The following SHISA9 variants were observed in gnomAD, a reference collection of about 807,000 sequenced individuals.
SHISA9 encodes the protein protein shisa-9.
A neutral mutation model predicts 38.0 loss-of-function variants in SHISA9; 13 were observed. The observed-to-expected ratio is 0.34, with a 90% confidence interval of 0.22 to 0.54. The LOEUF (loss-of-function observed/expected upper bound fraction) is 0.54, where lower values mean the gene tolerates loss of function less well. Ranked by LOEUF, SHISA9 falls within the 20% of genes least tolerant of loss-of-function variation. SHISA9 has a pLI of 0.91. For synonymous variants in SHISA9, 275 were observed against 242.0 expected (o/e 1.14, Z -1.27); for missense variants, 538 against 575.8 (o/e 0.93, Z 0.67).
chr16:13,005,742 C>A (rs1339504892), intron 2 of SHISA9, among the ~76,000 whole-genome samples: 1 of 152,146 alleles, frequency 6.6e-6, no homozygotes, highest in Non-Finnish European at 1.5e-5. Context: ...GTTGACCTTG[C>A]CCAACCACAT....
the SHISA9 span, among the ~76,000 whole-genome samples, chr16:13,549,879 T>C: frequency 2.0e-5 from 3 of 151,870 alleles, no homozygotes; most frequent in African/African-American, 7.3e-5. Flanking sequence ...AAAAATTAGC[T>C]GGGCATGGTC....
the SHISA9 span, among the ~76,000 whole-genome samples, chr16:13,261,950 G>A: frequency 6.6e-6 from 1 of 152,194 alleles, no homozygotes; most frequent in Non-Finnish European, 1.5e-5. Flanking sequence ...GATTCTGCTG[G>A]CAGGTGTATC....
chr16:13,397,980 C>A, the SHISA9 span, among the ~76,000 whole-genome samples: 1 of 152,166 alleles, frequency 6.6e-6, no homozygotes, highest in Non-Finnish European at 1.5e-5. Context: ...TCCCTGGAGT[C>A]AGGCCTCTTA....
At chr16:13,194,255 G>A (rs2050915814) in intron 2 of SHISA9, among the ~76,000 whole-genome samples, 1 of 152,136 alleles carries the variant, frequency 6.6e-6, no homozygotes, top group African/African-American at 2.4e-5. Context: ...AAAGACAAAT[G>A]TCTTCCAAAT....
At chr16:12,907,608 C>G (rs1181483187) in intron 1 of SHISA9, among the ~76,000 whole-genome samples, 4 of 152,124 alleles carry the variant, frequency 2.6e-5, no homozygotes, top group Non-Finnish European at 4.4e-5. Flanking sequence ...CTCACTCGCA[C>G]AAAAACAGGT....
intron 2 of SHISA9, among the ~76,000 whole-genome samples, chr16:12,974,646 C>T (rs1346487755): frequency 1.3e-5 from 2 of 151,908 alleles, no homozygotes; most frequent in East Asian, 1.9e-4. Context: ...CCACCATGCC[C>T]AGCTAATTTT....
chr16:13,109,819 TC>T (rs1366784269), intron 2 of SHISA9, among the ~76,000 whole-genome samples: 1 of 152,240 alleles, frequency 6.6e-6, no homozygotes, highest in African/African-American at 2.4e-5. Context: ...TTGAGGTTCA[TC>T]CCTGTCTTAG....
chr16:13,492,114 T>G, the SHISA9 span, among the ~76,000 whole-genome samples: 4 of 152,142 alleles, frequency 2.6e-5, no homozygotes, highest in Admixed American at 1.3e-4. Flanking sequence ...AAACCTTCCC[T>G]TGGAGCATCA....
the SHISA9 span, among the ~76,000 whole-genome samples, chr16:13,295,035 C>T: frequency 6.6e-6 from 1 of 152,056 alleles, no homozygotes; most frequent in Admixed American, 6.5e-5. Context: ...ATTAAAAAAA[C>T]TGGGGAATAG....
chr16:13,173,110 A>G (rs997003943), intron 2 of SHISA9, among the ~76,000 whole-genome samples: 1 of 151,902 alleles, frequency 6.6e-6, no homozygotes, highest in Non-Finnish European at 1.5e-5. Flanking sequence ...TATGAATATT[A>G]TTTGAAAAGG....
intron 3 of SHISA9, among the ~76,000 whole-genome samples, chr16:13,213,001 C>A (rs1425312221): frequency 6.6e-6 from 1 of 152,148 alleles, no homozygotes; most frequent in Non-Finnish European, 1.5e-5. Context: ...ATATCTCGGC[C>A]TTTTTCAGGA....
At chr16:13,069,659 A>ATGTATG (rs1053405675) in intron 2 of SHISA9, among the ~76,000 whole-genome samples, 1 of 152,080 alleles carries the variant, frequency 6.6e-6, no homozygotes, top group African/African-American at 2.4e-5. Flanking sequence ...TGTGTGGTGT[A>ATGTATG]TGTATGTGTG....
the SHISA9 span, among the ~76,000 whole-genome samples, chr16:13,499,080 C>T: frequency 6.6e-6 from 1 of 152,290 alleles, no homozygotes; most frequent in African/African-American, 2.4e-5. Context: ...TAAATCTGTA[C>T]ACTTCTGGGG....
intron 2 of SHISA9, among the ~76,000 whole-genome samples, chr16:13,017,105 C>T (rs1030288689): frequency 2.0e-5 from 3 of 151,670 alleles, no homozygotes; most frequent in African/African-American, 7.3e-5. Context: ...CTGCAACCTC[C>T]GTCTCCTAGG....
At chr16:13,304,933 A>G in the SHISA9 span, among the ~76,000 whole-genome samples, 3 of 152,238 alleles carry the variant, frequency 2.0e-5, no homozygotes, top group East Asian at 5.8e-4. Flanking sequence ...AAGGACACCC[A>G]TTACTGGATC....
intron 2 of SHISA9, among the ~76,000 whole-genome samples, chr16:12,939,498 T>G (rs2071580806): frequency 6.6e-6 from 1 of 152,220 alleles, no homozygotes; most frequent in South Asian, 2.1e-4. Flanking sequence ...TTCATTGTAC[T>G]TTGAATGGAA....
chr16:12,995,162 G>A (rs988057154), intron 2 of SHISA9, among the ~76,000 whole-genome samples: 1 of 152,028 alleles, frequency 6.6e-6, no homozygotes, highest in Non-Finnish European at 1.5e-5. Flanking sequence ...TGTGTGCAAG[G>A]TGTAAAAATC....
chr16:13,228,480 C>T (rs1325184915), intron 4 of SHISA9, among the ~76,000 whole-genome samples: 1 of 152,178 alleles, frequency 6.6e-6, no homozygotes, highest in African/African-American at 2.4e-5. Flanking sequence ...TTCTCAGAAA[C>T]AGGAACCATT....
chr16:13,184,421 C>T (rs753102941), intron 2 of SHISA9, among the ~76,000 whole-genome samples: 8 of 152,270 alleles, frequency 5.3e-5, no homozygotes, highest in Non-Finnish European at 8.8e-5. Flanking sequence ...AGTTACTCTA[C>T]GTTTCTAAGT....
Sources: gnomAD v4.1 joint callset for allele counts (sites outside exome capture counted in the v4.1 genomes callset) on GRCh38, gnomAD v4.1.1 for gene constraint, MANE v1.5 for transcripts, NCBI Gene and HGNC (gene_info 2026-07-23, HGNC 2026-07-21) for gene names.